Variants in R3HDM1 observed in about 807,000 individuals in gnomAD.
R3HDM1 encodes the protein R3H domain containing 1.
Under a neutral mutation model 141.1 loss-of-function variants are expected in R3HDM1, and 46 were observed. The ratio of observed to expected loss-of-function variants is 0.33; its 90% CI spans 0.26 to 0.42. The LOEUF (loss-of-function observed/expected upper bound fraction) is 0.42. R3HDM1 is among the 10% of genes least tolerant of loss of function. The pLI, the probability that R3HDM1 is intolerant of heterozygous loss-of-function variation, is 1.00. For missense variants in R3HDM1, 1,184 were observed against 1,368.3 expected (o/e 0.87, Z 2.12); for synonymous variants, 435 against 472.9 (o/e 0.92, Z 1.04).
At chr2:135,587,200 G>C (rs988115357) in intron 1 of R3HDM1, among the ~76,000 whole-genome samples, 1 of 152,092 alleles carries the variant, frequency 6.6e-6, no homozygotes, top group Non-Finnish European at 1.5e-5. Flanking sequence ...TTGATACTTT[G>C]ATTCCTCAAA....
intron 15 of R3HDM1, 161 bp from the exon 16 acceptor site, chr2:135,645,218 C>A: frequency 5.1e-6 from 3 of 591,682 alleles, no homozygotes; most frequent in Middle Eastern, 4.5e-4. Context: ...CATGTCAGAG[C>A]AGGCATTTCC....
chr2:135,560,479 A>G (rs1701598273), intron 1 of R3HDM1, among the ~76,000 whole-genome samples: 1 of 151,998 alleles, frequency 6.6e-6, no homozygotes, highest in African/African-American at 2.4e-5. Flanking sequence ...ACATCCGGCT[A>G]ATTTTTGTAT....
intron 1 of R3HDM1, among the ~76,000 whole-genome samples, chr2:135,600,460 GGA>G (rs1311294307): frequency 6.6e-6 from 1 of 152,158 alleles, no homozygotes; most frequent in African/African-American, 2.4e-5. Flanking sequence ...GCCTGCCCTG[GGA>G]GAGAGGCTGT....
chr2:135,592,075 CT>C (rs1709413173), intron 1 of R3HDM1, among the ~76,000 whole-genome samples: 1 of 152,182 alleles, frequency 6.6e-6, no homozygotes, highest in Admixed American at 6.5e-5. Flanking sequence ...GCCTCACTTC[CT>C]TCCTTGGAAG....
intron 1 of R3HDM1, among the ~76,000 whole-genome samples, chr2:135,582,837 C>G (rs1010834748): frequency 3.9e-5 from 6 of 152,092 alleles, no homozygotes; most frequent in African/African-American, 1.4e-4. Flanking sequence ...TAATCCTAAC[C>G]AGTTTTTAAA....
At chr2:135,669,001 C>A in intron 19 of R3HDM1, 1 of 393,164 alleles carries the variant, frequency 2.5e-6, no homozygotes, top group Non-Finnish European at 3.5e-6. Flanking sequence ...GAAATAGTGT[C>A]ACTATTTGAG....
At chr2:135,632,080 G>T in intron 9 of R3HDM1, 79 bp downstream of exon 9, 1 of 1,171,650 alleles carries the variant, frequency 8.5e-7, no homozygotes, top group Non-Finnish European at 1.1e-6. Context: ...TTTCATCTGA[G>T]GTTTTCCACA....
In R3HDM1 at chr2:135,661,615, C is replaced by A. The variant is rs1413176722; in HGVS notation, c.2152+222C>A. Among the ~76,000 whole-genome samples, 10 of 152,168 alleles carry A rather than the reference C, an allele frequency of 6.6e-5. 1 individual carries two copies. Among genetic ancestry groups the A allele is most frequent in the Admixed American group, 6.6e-4 (10 of 15,264 alleles). ...ACATGCTAAAGGGTTGGGAGCTGTA[C>A]TGGGAATATCTTAAGCAGTTTGTTA... On this transcript the variant is annotated intron_variant, in intron 19 of 26. Coordinates refer to ENST00000683871, the MANE Select transcript of R3HDM1 (RefSeq NM_001378107.1).
chr2:135,637,318 G>T (rs979815308), intron 11 of R3HDM1, among the ~76,000 whole-genome samples: 3 of 152,052 alleles, frequency 2.0e-5, no homozygotes, highest in Non-Finnish European at 2.9e-5. Flanking sequence ...ATGTACAGAG[G>T]CCCAGAGGTA....
chr2:135,665,439 A>G lies in R3HDM1; in HGVS notation c.2152+4046A>G, dbSNP rs544378272. The G allele has an allele frequency of 2.6e-5, 14 of 533,834 alleles. No individual in the cohort carries two copies. In the East Asian group the frequency reaches 7.1e-4, roughly 27 times the overall value. 33.1% of individuals were successfully genotyped at this position (533,834 alleles called of 1,614,324 possible). On this transcript the variant is annotated intron_variant, in intron 19 of 26. Transcript: ENST00000683871. ...GGCCGTAGCACTGTCTGAGAGGTTT[A>G]CATTTCTCACAGTGAACCGGTCTCT...
At chr2:135,562,859 T>G (rs1409468905) in intron 1 of R3HDM1, among the ~76,000 whole-genome samples, 1 of 152,250 alleles carries the variant, frequency 6.6e-6, no homozygotes, top group Non-Finnish European at 1.5e-5. Context: ...TAACTGTTCC[T>G]TTTATTTCAT....
intron 5 of R3HDM1, among the ~76,000 whole-genome samples, chr2:135,620,886 C>G (rs1265116806): frequency 6.6e-6 from 1 of 152,004 alleles, no homozygotes; most frequent in Non-Finnish European, 1.5e-5. Context: ...CATTACGTAT[C>G]TGTAAGGATA....
chr2:135,626,209 G>GTGTGTGCTTGCTTGCT lies in R3HDM1; in HGVS notation c.497+3479_497+3480insTGTGCTTGCTTGCTTG, dbSNP rs1553576638. Among the ~76,000 whole-genome samples, 913 of 143,434 alleles carry GTGTGTGCTTGCTTGCT rather than the reference G, an allele frequency of 6.4e-3. 10 individuals carry two copies. Among genetic ancestry groups the GTGTGTGCTTGCTTGCT allele is most frequent in the South Asian group, 0.039 (181 of 4,668 alleles). 94.1% of individuals were successfully genotyped at this position (143,434 alleles called of 152,430 possible). A position where few individuals can be genotyped will look rare whatever the true frequency, so the allele number is the denominator to read the frequency against. ...CGTGCGTGCGTGCGTGCGTGCGTGC[G>GTGTGTGCTTGCTTGCT]TGCTTGCTTGCTTGCTTGCTTGCTT... On this transcript the variant is annotated intron_variant, in intron 7 of 26. Transcript: ENST00000683871.
intron 19 of R3HDM1, among the ~76,000 whole-genome samples, chr2:135,665,173 A>C (rs2067307057): frequency 1.3e-5 from 2 of 152,262 alleles, no homozygotes; most frequent in Non-Finnish European, 2.9e-5. Flanking sequence ...TATTACTTTA[A>C]ACCTTTATCA....
rs1044500122 is a variant in R3HDM1 at position 135,651,712 on chromosome 2, G to T, written c.1726-18G>T. On this transcript the variant is annotated intron_variant, in intron 17 of 26. Transcript: ENST00000683871. ...ATGTGTAGAAGGCTTACTAATTTTT[G>T]ACTTCTTCCTTTTTTAGCAGGATAA... 5.1e-6 allele frequency: 8 copies of T among 1,580,710 alleles called. No individual in the cohort carries two copies. Among genetic ancestry groups the T allele is most frequent in the Admixed American group, 1.8e-5 (1 of 56,828 alleles).
intron 1 of R3HDM1, among the ~76,000 whole-genome samples, chr2:135,560,848 G>T (rs753383729): frequency 6.6e-6 from 1 of 152,146 alleles, no homozygotes; most frequent in African/African-American, 2.4e-5. Flanking sequence ...TGTTAAGATG[G>T]CAGAGCCACT....
chr2:135,584,591 A>T (rs1345554185), intron 1 of R3HDM1, among the ~76,000 whole-genome samples: 2 of 152,250 alleles, frequency 1.3e-5, no homozygotes, highest in African/African-American at 4.8e-5. Flanking sequence ...TTAACGGTTT[A>T]TTATCACTAA....
chr2:135,579,977 G>A (rs935220055), intron 1 of R3HDM1, among the ~76,000 whole-genome samples: 14 of 152,260 alleles, frequency 9.2e-5, no homozygotes, highest in East Asian at 1.9e-4. Context: ...AATAGGGGCC[G>A]GGCATAGTGG....
In R3HDM1 at chr2:135,723,997, A is replaced by G. The variant is rs1260117268; in HGVS notation, c.3110A>G (p.Glu1037Gly). 6.2e-7 allele frequency: 1 copy of G among 1,614,024 alleles called. No homozygotes were observed. Residue 1037 changes from glutamate to glycine, a missense_variant, in exon 27 of 27, where the codon GAA (glutamate) becomes GGA (glycine). Around this residue, in one of 5 missense-constraint regions of R3HDM1, gnomAD observed 182 missense variants for 252.6 expected, o/e 0.72. Coordinates refer to ENST00000683871, the MANE Select transcript of R3HDM1 (RefSeq NM_001378107.1). ...GATGGAATAACTCGCATGGAAGCTG[A>G]AAAGCTTTTTGGGGAACTCTTTAAA... The part of the protein sequence containing the change: ...LPDGITRMEA[E>G]KLFGELFKIG...
Sources: gnomAD v4.1 joint callset for allele counts (sites outside exome capture counted in the v4.1 genomes callset) on GRCh38, gnomAD v4.1.1 for gene constraint, gnomAD v4.1.1 regional missense constraint, MANE v1.5 for transcripts, NCBI Gene and HGNC (gene_info 2026-07-23, HGNC 2026-07-21) for gene names.